Variants in DRC8 observed in about 807,000 individuals in gnomAD.
DRC8 encodes dynein regulatory complex protein 8.
the DRC8 span, among the ~76,000 whole-genome samples, chr1:245,063,321 G>A: frequency 6.6e-6 from 1 of 152,208 alleles, no homozygotes; most frequent in African/African-American, 2.4e-5. Flanking sequence ...AGTGCCTGAA[G>A]TCGATGAATT....
At chr1:245,012,477 A>G in the DRC8 span, among the ~76,000 whole-genome samples, 13 of 141,148 alleles carry the variant, frequency 9.2e-5, no homozygotes, top group African/African-American at 4.2e-4. Flanking sequence ...AAAATATAAA[A>G]TAATCAACTG....
the DRC8 span, among the ~76,000 whole-genome samples, chr1:245,108,786 C>T: frequency 4.6e-5 from 7 of 152,150 alleles, no homozygotes; most frequent in Non-Finnish European, 1.0e-4. Flanking sequence ...TCCTATAATA[C>T]GAGATGATTC....
At chr1:244,977,950 A>G in the DRC8 span, among the ~76,000 whole-genome samples, 1 of 152,196 alleles carries the variant, frequency 6.6e-6, no homozygotes, top group Non-Finnish European at 1.5e-5. Flanking sequence ...GGGGGAGCCC[A>G]GGAGATGATG....
At chr1:245,064,630 A>G in the DRC8 span, among the ~76,000 whole-genome samples, 5 of 151,646 alleles carry the variant, frequency 3.3e-5, no homozygotes, top group Middle Eastern at 3.4e-3. Flanking sequence ...TGAGATTTGT[A>G]TGTTTGAAAG....
the DRC8 span, among the ~76,000 whole-genome samples, chr1:244,988,277 G>A: frequency 6.6e-6 from 1 of 152,028 alleles, no homozygotes; most frequent in Non-Finnish European, 1.5e-5. Flanking sequence ...TTAGCCTCCT[G>A]GGTAGCTAGA....
the DRC8 span, among the ~76,000 whole-genome samples, chr1:245,110,889 G>C: frequency 6.6e-6 from 1 of 152,146 alleles, no homozygotes; most frequent in Non-Finnish European, 1.5e-5. Flanking sequence ...CTTTTAGTGT[G>C]GTTATAGTGT....
At chr1:245,071,255 T>G in the DRC8 span, among the ~76,000 whole-genome samples, 1 of 152,204 alleles carries the variant, frequency 6.6e-6, no homozygotes, top group African/African-American at 2.4e-5. Flanking sequence ...TAGAAAAGCC[T>G]GGATTGCTGT....
At chr1:245,081,813 C>T in the DRC8 span, among the ~76,000 whole-genome samples, 10 of 152,318 alleles carry the variant, frequency 6.6e-5, no homozygotes, top group South Asian at 2.1e-4. Flanking sequence ...GCTCCTTCCC[C>T]TCACTGTACT....
chr1:245,005,216 G>C, the DRC8 span, among the ~76,000 whole-genome samples: 1 of 151,336 alleles, frequency 6.6e-6, no homozygotes, highest in Non-Finnish European at 1.5e-5. Context: ...ATGGATGTTG[G>C]TTTGTAGTTT....
chr1:245,062,047 A>G, the DRC8 span, among the ~76,000 whole-genome samples: 2 of 152,190 alleles, frequency 1.3e-5, no homozygotes, highest in East Asian at 3.8e-4. Context: ...CAGAGGTTGC[A>G]ATGAGCTGAG....
At chr1:244,982,379 T>C in the DRC8 span, among the ~76,000 whole-genome samples, 1 of 152,156 alleles carries the variant, frequency 6.6e-6, no homozygotes, top group African/African-American at 2.4e-5. Flanking sequence ...ATGTTAAAGG[T>C]TCAGGCCGGG....
At chr1:244,991,156 A>G in the DRC8 span, among the ~76,000 whole-genome samples, 7,705 of 152,248 alleles carry the variant, frequency 0.051, 276 homozygotes, top group Non-Finnish European at 0.077. Flanking sequence ...AATTTGCTAT[A>G]AAGGTTCACA....
chr1:245,099,114 G>A, the DRC8 span, among the ~76,000 whole-genome samples: 3 of 152,124 alleles, frequency 2.0e-5, no homozygotes, highest in South Asian at 2.1e-4. Flanking sequence ...TTTATGTGGT[G>A]CCTCTGAAAC....
At chr1:245,089,739 C>T in the DRC8 span, among the ~76,000 whole-genome samples, 9 of 151,970 alleles carry the variant, frequency 5.9e-5, no homozygotes, top group East Asian at 1.9e-4. This position sits in a 1 kb window ranked among gnomAD's most constrained non-coding sequence, Gnocchi z 4.8. Context: ...GAGGAGGAAA[C>T]GGACAACAGG....
At chr1:245,079,699 T>C in the DRC8 span, among the ~76,000 whole-genome samples, 2 of 152,162 alleles carry the variant, frequency 1.3e-5, no homozygotes, top group Admixed American at 6.5e-5. Context: ...TGCTCTACAG[T>C]GGTTTGTTGG....
chr1:245,084,203 T>C, the DRC8 span, among the ~76,000 whole-genome samples: 1 of 150,990 alleles, frequency 6.6e-6, no homozygotes, highest in African/African-American at 2.4e-5. Flanking sequence ...TGCCTCAGCC[T>C]CCCGAGTAGC....
At chr1:244,980,040 TAAAAAAAAAAAAAAAAAAA>T in the DRC8 span, among the ~76,000 whole-genome samples, 7,236 of 34,952 alleles carry the variant, frequency 0.21, 576 homozygotes, top group South Asian at 0.36. Flanking sequence ...CCGTCTCTAC[TAAAAAAAAAAAAAAAAAAA>T]AAAAAAAAAA....
the DRC8 span, among the ~76,000 whole-genome samples, chr1:245,052,581 T>C: frequency 0.35 from 52,735 of 152,116 alleles, 9,243 homozygotes; most frequent in African/African-American, 0.4. Context: ...TGCCATGCCT[T>C]GTGTTGACTG....
At chr1:244,992,630 C>A in the DRC8 span, among the ~76,000 whole-genome samples, 1 of 152,176 alleles carries the variant, frequency 6.6e-6, no homozygotes, top group Non-Finnish European at 1.5e-5. Context: ...ATCCCAGCTA[C>A]TCTGGAGGCT....
Sources: gnomAD v4.1 joint callset for allele counts (sites outside exome capture counted in the v4.1 genomes callset) on GRCh38, gnomAD v4.1.1 for gene constraint, Gnocchi (gnomAD v3.1) non-coding constraint, MANE v1.5 for transcripts, NCBI Gene and HGNC (gene_info 2026-07-23, HGNC 2026-07-21) for gene names.